The following FTO variants were observed in gnomAD, a reference collection of about 807,000 sequenced individuals.
FTO encodes alpha-ketoglutarate-dependent dioxygenase FTO.
A neutral mutation model predicts 63.9 loss-of-function variants in FTO; 47 were observed. The observed-to-expected ratio is 0.74, with a 90% CI of 0.58 to 0.94. The LOEUF (loss-of-function observed/expected upper bound fraction) is 0.94, where lower values mean the gene tolerates loss of function less well. Among genes scored for constraint, FTO ranks in the 40% least tolerant of loss-of-function variants. FTO has a pLI of 0.00. For missense variants in FTO, 562 were observed against 618.1 expected (o/e 0.91, Z 0.96); for synonymous variants, 207 against 224.4 (o/e 0.92, Z 0.69).
intron 4 of FTO, among the ~76,000 whole-genome samples, chr16:53,872,422 C>T (rs1014873974): frequency 6.6e-6 from 1 of 152,200 alleles, no homozygotes; most frequent in African/African-American, 2.4e-5. Flanking sequence ...CAGTCTTTGT[C>T]TTCTCAACTT....
At chr16:53,715,673 G>A (rs563598512) in intron 1 of FTO, among the ~76,000 whole-genome samples, 9 of 152,198 alleles carry the variant, frequency 5.9e-5, no homozygotes, top group Admixed American at 2.0e-4. Flanking sequence ...ATTATGAGAA[G>A]ACCCATTAAA....
intron 7 of FTO, among the ~76,000 whole-genome samples, chr16:53,893,965 C>T (rs569297220): frequency 3.5e-4 from 53 of 152,182 alleles, no homozygotes; most frequent in Middle Eastern, 6.8e-3. Context: ...TTAATGTATC[C>T]GTTTGGAAAC....
At chr16:53,997,216 GGA>G (rs141176092) in intron 8 of FTO, among the ~76,000 whole-genome samples, 41,382 of 149,290 alleles carry the variant, frequency 0.28, 6,760 homozygotes, top group East Asian at 0.55. Flanking sequence ...AAGGAAGGAA[GGA>G]GAGAGAGAGA....
intron 1 of FTO, among the ~76,000 whole-genome samples, chr16:53,794,166 G>A (rs2077999635): frequency 6.6e-6 from 1 of 152,190 alleles, no homozygotes. Context: ...ATGTGAATCA[G>A]AAGTCTTAAT....
At chr16:53,889,793 A>C (rs2081101387) in intron 7 of FTO, among the ~76,000 whole-genome samples, 3 of 152,096 alleles carry the variant, frequency 2.0e-5, no homozygotes, top group Admixed American at 1.3e-4. Flanking sequence ...GGTTGAAGCC[A>C]CATGGAGGTC....
intron 3 of FTO, among the ~76,000 whole-genome samples, chr16:53,835,374 A>T (rs1396333167): frequency 6.6e-6 from 1 of 152,136 alleles, no homozygotes; most frequent in African/African-American, 2.4e-5. Context: ...CATGTCCTAC[A>T]ATGTTTTCTT....
chr16:53,845,621 A>G (rs1395012841), intron 4 of FTO, among the ~76,000 whole-genome samples: 1 of 152,240 alleles, frequency 6.6e-6, no homozygotes, highest in Non-Finnish European at 1.5e-5. Context: ...ATCCAGTATC[A>G]CTAGGTATAA....
rs937554637 is a variant in FTO at position 53,950,325 on chromosome 16, TA to T, written c.1364+16219del. 1.2e-4 allele frequency among the ~76,000 whole-genome samples: 18 copies of T among 152,204 alleles called. 1 individual carries two copies. The South Asian group carries it at 1.9e-3, about 16-fold the overall frequency. On this transcript the variant is annotated intron_variant, in intron 8 of 8. Transcript: ENST00000471389. ...CAAAAAGCCTCGTTACTGAGAAATT[TA>T]AATACTTTGTATTATAGGGGAGAGT...
intron 8 of FTO, among the ~76,000 whole-genome samples, chr16:54,068,557 C>T (rs758894132): frequency 2.0e-5 from 3 of 152,178 alleles, no homozygotes; most frequent in Non-Finnish European, 4.4e-5. Context: ...TCTGCCCCCA[C>T]ATTTTGCAAA....
At chr16:53,729,043 T>G (rs1306858105) in intron 1 of FTO, among the ~76,000 whole-genome samples, 1 of 151,414 alleles carries the variant, frequency 6.6e-6, no homozygotes, top group African/African-American at 2.4e-5. Flanking sequence ...GGATTACAGG[T>G]GTGAGCCACT....
In FTO at chr16:53,986,739, T is replaced by C. The variant is rs933689720; in HGVS notation, c.1364+52630T>C. ...ACCCAGAGTCTTTGTATAAACTCTATGGATTTTCTTCCATGCGTCTAGGCT... is the reference window on the plus strand; with the variant it reads ...ACCCAGAGTCTTTGTATAAACTCTACGGATTTTCTTCCATGCGTCTAGGCT... On this transcript the variant is annotated intron_variant, in intron 8 of 8. Transcript: ENST00000471389. 1.8e-4 allele frequency among the ~76,000 whole-genome samples: 28 copies of C among 152,346 alleles called. 1 individual carries two copies. The highest frequency in any genetic ancestry group is 3.4e-3 in the Middle Eastern group (1 of 294).
chr16:53,732,678 G>C (rs1281663883), intron 1 of FTO, among the ~76,000 whole-genome samples: 1 of 152,180 alleles, frequency 6.6e-6, no homozygotes, highest in African/African-American at 2.4e-5. Context: ...GGCATGGATG[G>C]AGAGAGGTGC....
intron 1 of FTO, among the ~76,000 whole-genome samples, chr16:53,741,472 C>A (rs909688406): frequency 2.0e-5 from 3 of 152,114 alleles, no homozygotes; most frequent in Non-Finnish European, 4.4e-5. Context: ...ATTGTACAAA[C>A]CCATTAGATG....
chr16:53,912,571 A>C (rs184583092), intron 7 of FTO, among the ~76,000 whole-genome samples: 1 of 152,278 alleles, frequency 6.6e-6, no homozygotes, highest in African/African-American at 2.4e-5. Context: ...TGATAAAAGC[A>C]AATGGTTCCC....
chr16:53,716,709 T>G (rs1256935523), intron 1 of FTO, among the ~76,000 whole-genome samples: 1 of 151,888 alleles, frequency 6.6e-6, no homozygotes, highest in Non-Finnish European at 1.5e-5. Context: ...GTATGTGAGA[T>G]AGAGAAGCAT....
intron 4 of FTO, among the ~76,000 whole-genome samples, chr16:53,870,015 T>A (rs1378528035): frequency 6.6e-6 from 1 of 152,110 alleles, no homozygotes; most frequent in Non-Finnish European, 1.5e-5. Flanking sequence ...CATTCTATAA[T>A]CTTATGGTTA....
intron 8 of FTO, among the ~76,000 whole-genome samples, chr16:54,073,451 G>A (rs931273602): frequency 5.9e-5 from 9 of 152,170 alleles, no homozygotes; most frequent in African/African-American, 7.2e-5. Context: ...CAGGCTTGGC[G>A]TGGGTTTTCA....
At chr16:53,785,484 A>G (rs1413775356) in intron 1 of FTO, among the ~76,000 whole-genome samples, 1 of 152,142 alleles carries the variant, frequency 6.6e-6, no homozygotes, top group East Asian at 1.9e-4. Flanking sequence ...GGATTGGGCC[A>G]TTTGGGGAAT....
At chr16:53,774,101 G>T (rs963471810) in intron 1 of FTO, among the ~76,000 whole-genome samples, 21 of 152,054 alleles carry the variant, frequency 1.4e-4, no homozygotes, top group African/African-American at 5.1e-4. Flanking sequence ...TTTAGAATGT[G>T]GTCAGAATTA....
Sources: gnomAD v4.1 joint callset for allele counts (sites outside exome capture counted in the v4.1 genomes callset) on GRCh38, gnomAD v4.1.1 for gene constraint, MANE v1.5 for transcripts, NCBI Gene and HGNC (gene_info 2026-07-23, HGNC 2026-07-21) for gene names.